VAV3: variants seen among roughly 807,000 people sequenced by gnomAD.
The protein encoded by VAV3 is guanine nucleotide exchange factor VAV3.
Under a neutral mutation model 131.2 loss-of-function variants are expected in VAV3, and 94 were observed. That is an observed-to-expected ratio of 0.72 (90% CI 0.61 to 0.85). The LOEUF is 0.85. Among genes scored for constraint, VAV3 ranks in the 40% least tolerant of loss-of-function variants. The probability of loss-of-function intolerance (pLI) is 0.00; values close to 1 mark genes in which losing one functional copy is unlikely to be tolerated. For missense variants in VAV3, 939 were observed against 1,002.7 expected (o/e 0.94, Z 0.86); for synonymous variants, 349 against 342.0 (o/e 1.02, Z -0.22).
intron 25 of VAV3, among the ~76,000 whole-genome samples, chr1:107,589,050 C>A (rs1463407940): frequency 6.6e-6 from 1 of 152,114 alleles, no homozygotes; most frequent in African/African-American, 2.4e-5. Context: ...ATCTCATTCA[C>A]TGACTGCCTG....
chr1:107,947,546 C>T (rs1381635702), intron 1 of VAV3, among the ~76,000 whole-genome samples: 1 of 152,164 alleles, frequency 6.6e-6, no homozygotes, highest in Admixed American at 6.5e-5. Context: ...AGTTCACTTA[C>T]TCTTCACAAT....
chr1:107,871,626 G>A (rs1256982993), intron 2 of VAV3, among the ~76,000 whole-genome samples: 1 of 152,084 alleles, frequency 6.6e-6, no homozygotes, highest in Non-Finnish European at 1.5e-5. Context: ...GCACTGAAAG[G>A]CAGAATTATC....
chr1:107,885,755 T>C (rs1036319515), intron 1 of VAV3, among the ~76,000 whole-genome samples: 4 of 152,106 alleles, frequency 2.6e-5, no homozygotes, highest in African/African-American at 7.2e-5. Context: ...CTACCTCACA[T>C]AGCCAGTAAG....
At chr1:107,711,975 C>T (rs1193071555) in intron 15 of VAV3, among the ~76,000 whole-genome samples, 5 of 152,046 alleles carry the variant, frequency 3.3e-5, no homozygotes, top group East Asian at 1.9e-4. Context: ...TGTGAGCCAC[C>T]GTGCCCGACA....
In VAV3 at chr1:107,751,163, C is replaced by T; in HGVS notation, c.1213G>A (p.Gly405Ser). The T allele has an allele frequency of 6.2e-6, 10 of 1,613,216 alleles. No individual in the cohort carries two copies. Among genetic ancestry groups the T allele is most frequent in the Non-Finnish European group, 8.5e-6 (10 of 1,179,728 alleles). The change falls in exon 13 of 27, where the codon GGT becomes AGT. Residue 405 changes from glycine (G) to serine (S), a missense_variant. Coordinates refer to ENST00000370056, the MANE Select transcript of VAV3 (RefSeq NM_006113.5). ...VLLFGRPQGD[G>S]EIRITTLDKH... ...TCTAGAGTGGTTATTCGAATTTCAC[C>T]ATCTCCCTGAGGTCGTCCAAAAAGC...
At chr1:107,655,150 CA>C (rs1251087975) in intron 19 of VAV3, among the ~76,000 whole-genome samples, 2 of 152,010 alleles carry the variant, frequency 1.3e-5, no homozygotes, top group African/African-American at 4.8e-5. Context: ...AGCACCTGAA[CA>C]TAACACAAAG....
intron 19 of VAV3, among the ~76,000 whole-genome samples, chr1:107,653,212 C>G (rs1299737049): frequency 6.6e-6 from 1 of 151,784 alleles, no homozygotes; most frequent in African/African-American, 2.4e-5. Flanking sequence ...GCAAATGACT[C>G]TGCACCATCA....
rs376951404 is a variant in VAV3, at chr1:107,864,662, G to A, written c.321+10239C>T. Among the ~76,000 whole-genome samples the A allele has an allele frequency of 8.5e-5, 13 of 152,242 alleles. No homozygotes were observed. The East Asian group carries it at 2.5e-3, about 29-fold the overall frequency. ...TAAATAAGTAAATGTGTGAGTACTA[G>A]CATCCCCTTCTCACTGGGCTGTCAC... On this transcript the variant is annotated intron_variant, in intron 2 of 26. Transcript: ENST00000370056.
At chr1:107,865,338 C>T (rs1669932759) in intron 2 of VAV3, among the ~76,000 whole-genome samples, 2 of 152,050 alleles carry the variant, frequency 1.3e-5, no homozygotes, top group Non-Finnish European at 2.9e-5. Flanking sequence ...TATCCAAGAA[C>T]CAACTAAGTC....
chr1:107,958,410 TTAAAA>T (rs1435680157), intron 1 of VAV3, among the ~76,000 whole-genome samples: 5 of 152,146 alleles, frequency 3.3e-5, no homozygotes, highest in African/African-American at 1.2e-4. Flanking sequence ...AACTAACTCT[TTAAAA>T]TAATAACAGC....
rs535122136 is a variant in VAV3, at chr1:107,670,921, G to A, written c.1777+12567C>T. Among the ~76,000 whole-genome samples the A allele has an allele frequency of 9.9e-4, 151 of 152,148 alleles. 1 individual carries two copies. In the Middle Eastern group the frequency reaches 0.014, roughly 14 times the overall value. On this transcript the variant is annotated intron_variant, in intron 19 of 26. Coordinates refer to ENST00000370056, the MANE Select transcript of VAV3 (RefSeq NM_006113.5). ...GGTTCCAAGAAGGTGTTGCCATTTC[G>A]TTTTCTCAAAATCATTGGCCAGATT... is the stretch of plus-strand genomic sequence containing the variant.
intron 2 of VAV3, among the ~76,000 whole-genome samples, chr1:107,822,649 T>A (rs563153549): frequency 7.9e-6 from 1 of 125,806 alleles, no homozygotes; most frequent in South Asian, 2.8e-4. Context: ...CGAGACTCCA[T>A]CTCAAAAAAA....
intron 9 of VAV3, among the ~76,000 whole-genome samples, chr1:107,762,938 G>C (rs537649457): frequency 2.6e-5 from 4 of 152,158 alleles, no homozygotes; most frequent in Admixed American, 6.5e-5. Context: ...GGATGAGCCA[G>C]GCTGATAGGG....
At chr1:107,745,641 A>G (rs1020718321) in intron 15 of VAV3, among the ~76,000 whole-genome samples, 2 of 152,168 alleles carry the variant, frequency 1.3e-5, no homozygotes, top group African/African-American at 2.4e-5. Flanking sequence ...ATGCTTTTCC[A>G]TGGCCTTATT....
chr1:107,958,747 AG>A (rs1360425535), intron 1 of VAV3, among the ~76,000 whole-genome samples: 1 of 152,144 alleles, frequency 6.6e-6, no homozygotes, highest in Non-Finnish European at 1.5e-5. Flanking sequence ...CATCTACGTT[AG>A]GTATTTCTCA....
Position 107,571,606 on chromosome 1 carries a change from T to C in VAV3, c.*1725A>G, listed in dbSNP as rs1649264524. The C allele has an allele frequency of 6.6e-6, 1 of 152,600 alleles. No homozygotes were observed. The highest frequency in any genetic ancestry group is 2.4e-5 in the African/African-American group (1 of 41,448). 9.5% of individuals were successfully genotyped at this position (152,600 alleles called of 1,614,324 possible). ...AACATTCCCGAGACAGAGTCGCAGATAAGACTTTACAGGAAAGAATCCATT... is the reference window on the plus strand; with the variant it reads ...AACATTCCCGAGACAGAGTCGCAGACAAGACTTTACAGGAAAGAATCCATT... On this transcript the variant is annotated 3_prime_UTR_variant, in exon 27 of 27. Coordinates refer to ENST00000370056, the MANE Select transcript of VAV3 (RefSeq NM_006113.5).
At position 107,748,851 on chromosome 1, in the gene VAV3, C is replaced by T. The variant is rs566756016; in HGVS notation, c.1502+117G>A. Reference sequence around the variant, plus strand: ...CTCCTGCTCACAGCAAAAACATTCCCGTCGCTGTACACATTATACATGCTA... The same window carrying T: ...CTCCTGCTCACAGCAAAAACATTCCTGTCGCTGTACACATTATACATGCTA... On this transcript the variant is annotated intron_variant, in intron 15 of 26. Coordinates refer to ENST00000370056, the MANE Select transcript of VAV3 (RefSeq NM_006113.5). 63 of 787,886 alleles carry T rather than the reference C, an allele frequency of 8.0e-5. No homozygotes were observed. The African/African-American group carries it at 8.8e-4, about 11-fold the overall frequency. The allele number at this position is 787,886 out of a possible 1,614,324, so 48.8% of individuals were successfully genotyped here.
chr1:107,617,678 A>C, intron 20 of VAV3, 46 bp from the exon 21 acceptor site: 1 of 1,567,906 alleles, frequency 6.4e-7, no homozygotes, highest in African/African-American at 1.4e-5. Flanking sequence ...AATTTACCAC[A>C]AATGATAACC....
chr1:107,807,709 G>A (rs1667122131), intron 2 of VAV3, among the ~76,000 whole-genome samples: 1 of 152,218 alleles, frequency 6.6e-6, no homozygotes, highest in African/African-American at 2.4e-5. Context: ...AGACCAAAAA[G>A]ATGCTAGCAA....
Sources: gnomAD v4.1 joint callset for allele counts (sites outside exome capture counted in the v4.1 genomes callset) on GRCh38, gnomAD v4.1.1 for gene constraint, MANE v1.5 for transcripts, NCBI Gene and HGNC (gene_info 2026-07-23, HGNC 2026-07-21) for gene names.